ZNF385D: variants seen among roughly 807,000 people sequenced by gnomAD.
ZNF385D encodes zinc finger protein 385D, also known as zinc finger protein 659.
A neutral mutation model predicts 35.8 loss-of-function variants in ZNF385D; 15 were observed. The observed-to-expected ratio is 0.42, with a 90% CI of 0.28 to 0.64. The LOEUF is 0.64. Among genes scored for constraint, ZNF385D ranks in the 30% least tolerant of loss-of-function variants. The probability of loss-of-function intolerance (pLI) is 0.23; values close to 1 mark genes in which losing one functional copy is unlikely to be tolerated. For synonymous variants in ZNF385D, 212 were observed against 186.8 expected, an observed-to-expected ratio of 1.13 and a Z score of -1.10; for missense variants, 474 against 494.6, an observed-to-expected ratio of 0.96 and a Z score of 0.39.
intron 3 of ZNF385D, among the ~76,000 whole-genome samples, chr3:21,561,713 A>ACAAT (rs1294836918): frequency 6.6e-6 from 1 of 152,230 alleles, no homozygotes; most frequent in Non-Finnish European, 1.5e-5. Flanking sequence ...AGATGGTGGA[A>ACAAT]CAATCAGAAC....
intron 2 of ZNF385D, among the ~76,000 whole-genome samples, chr3:21,593,454 A>C (rs2064040428): frequency 6.6e-6 from 1 of 152,172 alleles, no homozygotes; most frequent in Admixed American, 6.5e-5. Context: ...TCCTTTGTGG[A>C]CAAAGTTCCA....
At chr3:21,753,676 T>A (rs1264092388), upstream of ZNF385D, among the ~76,000 whole-genome samples, 1 of 152,212 alleles carries the variant, frequency 6.6e-6, no homozygotes, top group African/African-American at 2.4e-5. Context: ...GGAAAACAAG[T>A]GATGTTTGTT....
rs1014996525 is a variant in ZNF385D, at chr3:21,414,505, G to A, written c.*6709C>T. 1 of 152,022 alleles carries A rather than the reference G, an allele frequency of 6.6e-6. No individual in the cohort carries two copies. 9.4% of individuals were successfully genotyped at this position (152,022 alleles called of 1,614,324 possible). A position where few individuals can be genotyped will look rare whatever the true frequency, so the allele number is the denominator to read the frequency against. ...GTAACTATAAGTCACATTTTAAAAC[G>A]ACTTTATGAAATTTATAGAAATATG... is the stretch of plus-strand genomic sequence containing the variant. On this transcript the variant is annotated 3_prime_UTR_variant, in exon 8 of 8. Transcript: ENST00000281523.
intron 3 of ZNF385D, among the ~76,000 whole-genome samples, chr3:22,117,596 G>T (rs909428959): frequency 1.6e-4 from 24 of 151,672 alleles, no homozygotes; most frequent in African/African-American, 5.1e-4. Context: ...CAAAAAAAAT[G>T]ATATTCTTTT....
chr3:22,181,340 C>T (rs1471042054), intron 2 of ZNF385D, among the ~76,000 whole-genome samples: 2 of 152,068 alleles, frequency 1.3e-5, no homozygotes, highest in African/African-American at 4.8e-5. Flanking sequence ...TTGAGGTAAT[C>T]AGACCTTTCC....
intron 2 of ZNF385D, among the ~76,000 whole-genome samples, chr3:22,280,767 T>C (rs978946763): frequency 6.6e-6 from 1 of 152,148 alleles, no homozygotes; most frequent in South Asian, 2.1e-4. Flanking sequence ...TGGGTTCATA[T>C]GAATTTTATG....
chr3:21,544,209 G>T (rs1373953218), intron 3 of ZNF385D, among the ~76,000 whole-genome samples: 1 of 152,220 alleles, frequency 6.6e-6, no homozygotes. Flanking sequence ...TAAACTGCTT[G>T]TTGGGTTTTG....
intron 3 of ZNF385D, among the ~76,000 whole-genome samples, chr3:21,806,610 T>C (rs984886407): frequency 6.6e-6 from 1 of 152,206 alleles, no homozygotes; most frequent in Admixed American, 6.5e-5. Flanking sequence ...TAGAACTTCT[T>C]CCTTAAAACT....
intron 3 of ZNF385D, among the ~76,000 whole-genome samples, chr3:21,528,808 A>C (rs2061850799): frequency 6.6e-6 from 1 of 152,180 alleles, no homozygotes; most frequent in Non-Finnish European, 1.5e-5. Context: ...TACTCAGCCA[A>C]AGTAAAGAAG....
chr3:22,371,365 A>G (rs747888368), intron 2 of ZNF385D, among the ~76,000 whole-genome samples: 6 of 152,056 alleles, frequency 3.9e-5, no homozygotes, highest in African/African-American at 1.5e-4. Flanking sequence ...CAGAATTAGC[A>G]TAGAACAGCG....
intron 3 of ZNF385D, among the ~76,000 whole-genome samples, chr3:21,988,622 G>C (rs1337306594): frequency 1.3e-5 from 2 of 151,118 alleles, no homozygotes; most frequent in Non-Finnish European, 1.5e-5. Context: ...CTGTCTTTTT[G>C]TTTGTCTGTG....
chr3:22,305,227 TCTC>T (rs1156324006), intron 2 of ZNF385D, among the ~76,000 whole-genome samples: 1 of 152,192 alleles, frequency 6.6e-6, no homozygotes, highest in Non-Finnish European at 1.5e-5. Context: ...CCTATTTCTT[TCTC>T]CTATTTATCT....
At chr3:21,710,449 G>A (rs145017050) in intron 1 of ZNF385D, among the ~76,000 whole-genome samples, 69 of 152,198 alleles carry the variant, frequency 4.5e-4, no homozygotes, top group African/African-American at 1.6e-3. Context: ...GGCTTTTTCT[G>A]AATTCCTTAA....
chr3:21,801,389 A>C (rs556458161), intron 3 of ZNF385D, among the ~76,000 whole-genome samples: 1 of 152,314 alleles, frequency 6.6e-6, no homozygotes, highest in African/African-American at 2.4e-5. Context: ...AGTTTTGGGA[A>C]GATAAGTGTT....
Position 22,161,420 on chromosome 3 carries a change from AT to A in ZNF385D, c.325+7396del, listed in dbSNP as rs1449844238. On this transcript the variant is annotated intron_variant, in intron 3 of 5. Transcript: ENST00000494108. Reference sequence around the variant, plus strand: ...TTATAACAGCAGAAAAATAATCTTTATTTGTAAAGCTCAATTGCATCATAAA... The same window carrying A: ...TTATAACAGCAGAAAAATAATCTTTATTGTAAAGCTCAATTGCATCATAAA... Among the ~76,000 whole-genome samples, 14 of 152,176 alleles carry A rather than the reference AT, an allele frequency of 9.2e-5. No individual in the cohort carries two copies. In the East Asian group the frequency reaches 2.7e-3, roughly 29 times the overall value.
intron 2 of ZNF385D, among the ~76,000 whole-genome samples, chr3:22,190,701 T>C (rs1390657467): frequency 6.6e-6 from 1 of 152,182 alleles, no homozygotes; most frequent in Admixed American, 6.6e-5. Flanking sequence ...CTTATTTCTT[T>C]AGTATTTTTT....
intron 3 of ZNF385D, among the ~76,000 whole-genome samples, chr3:21,553,981 A>G (rs1228843167): frequency 6.6e-6 from 1 of 152,210 alleles, no homozygotes; most frequent in East Asian, 1.9e-4. Context: ...TGAAACCCTC[A>G]AAGTCATCCA....
intron 2 of ZNF385D, among the ~76,000 whole-genome samples, chr3:22,176,379 T>C (rs957902105): frequency 1.3e-5 from 2 of 152,170 alleles, no homozygotes; most frequent in African/African-American, 2.4e-5. Context: ...CTAACTTAAA[T>C]ATCACTTAGG....
At chr3:22,080,961 CAT>C (rs1004032134) in intron 3 of ZNF385D, among the ~76,000 whole-genome samples, 42 of 152,306 alleles carry the variant, frequency 2.8e-4, no homozygotes, top group African/African-American at 7.0e-4. Context: ...GTGAGGAACA[CAT>C]GTTTGTTGTT....
Sources: gnomAD v4.1 joint callset for allele counts (sites outside exome capture counted in the v4.1 genomes callset) on GRCh38, gnomAD v4.1.1 for gene constraint, MANE v1.5 for transcripts, NCBI Gene and HGNC (gene_info 2026-07-23, HGNC 2026-07-21) for gene names.